The following SUGCT variants were observed in gnomAD, a reference collection of about 807,000 sequenced individuals.
SUGCT encodes succinyl-CoA:glutarate-CoA transferase, also known as succinyl-CoA:glutarate CoA-transferase.
Under a neutral mutation model 55.0 loss-of-function variants are expected in SUGCT, and 41 were observed. The ratio of observed to expected loss-of-function variants is 0.74; its 90% CI spans 0.58 to 0.97. The LOEUF (loss-of-function observed/expected upper bound fraction) is 0.97, where lower values mean the gene tolerates loss of function less well. Among genes scored for constraint, SUGCT ranks in the 50% least tolerant of loss-of-function variants. The probability of loss-of-function intolerance (pLI) is 0.00; values close to 1 mark genes in which losing one functional copy is unlikely to be tolerated. For synonymous variants in SUGCT, 187 were observed against 200.4 expected (o/e 0.93, Z 0.56); for missense variants, 568 against 547.8 (o/e 1.04, Z -0.37).
intron 9 of SUGCT, among the ~76,000 whole-genome samples, chr7:40,415,820 C>T (rs561251107): frequency 3.0e-4 from 46 of 152,124 alleles, no homozygotes; most frequent in Admixed American, 1.2e-3. Flanking sequence ...TACTACTGGA[C>T]GCTATTGCAA....
At chr7:41,022,615 G>A in the SUGCT span, among the ~76,000 whole-genome samples, 23 of 152,180 alleles carry the variant, frequency 1.5e-4, no homozygotes, top group African/African-American at 5.5e-4. Flanking sequence ...AATCCAGGTG[G>A]AACTAGAATG....
chr7:40,864,394 C>T (rs939143249), downstream of SUGCT, among the ~76,000 whole-genome samples: 5 of 152,074 alleles, frequency 3.3e-5, no homozygotes, highest in South Asian at 2.1e-4. Context: ...TCAATTGATC[C>T]GCCCACCTCA....
chr7:40,327,222 G>A (rs571288238), intron 9 of SUGCT, among the ~76,000 whole-genome samples: 1 of 151,946 alleles, frequency 6.6e-6, no homozygotes, highest in South Asian at 2.1e-4. Context: ...TGATCCTTAC[G>A]GATTTGGGAT....
At chr7:40,487,692 A>AATAC (rs1418180331) in intron 11 of SUGCT, among the ~76,000 whole-genome samples, 2 of 151,964 alleles carry the variant, frequency 1.3e-5, no homozygotes, top group East Asian at 3.9e-4. Context: ...AGGTGTTCTG[A>AATAC]TTTGGGTACA....
chr7:40,515,262 T>C (rs1793173512), intron 12 of SUGCT, among the ~76,000 whole-genome samples: 1 of 152,226 alleles, frequency 6.6e-6, no homozygotes, highest in South Asian at 2.1e-4. Context: ...ATTGTATCAA[T>C]TCAAGGATGT....
chr7:40,540,964 G>A (rs181591994), intron 12 of SUGCT, among the ~76,000 whole-genome samples: 3 of 152,264 alleles, frequency 2.0e-5, no homozygotes, highest in Admixed American at 6.5e-5. Context: ...CATTCCTTCC[G>A]TTATTTTTGT....
intron 8 of SUGCT, among the ~76,000 whole-genome samples, chr7:40,299,896 T>A (rs564441129): frequency 8.5e-4 from 129 of 152,290 alleles, no homozygotes; most frequent in Admixed American, 1.6e-3. Flanking sequence ...AATATTGGTA[T>A]AAGGTAAAAA....
At chr7:40,864,433 T>C (rs184399327), downstream of SUGCT, among the ~76,000 whole-genome samples, 101 of 152,232 alleles carry the variant, frequency 6.6e-4, no homozygotes, top group Non-Finnish European at 1.0e-3. Context: ...ATTACAGACA[T>C]GAGCCACCAT....
the SUGCT span, among the ~76,000 whole-genome samples, chr7:40,906,428 G>A: frequency 1.6e-4 from 25 of 152,236 alleles, no homozygotes; most frequent in Admixed American, 9.8e-4. Context: ...TAGGAACAAC[G>A]GTAGAAAAAT....
intron 13 of SUGCT, among the ~76,000 whole-genome samples, chr7:40,823,041 G>A (rs1208698268): frequency 6.6e-6 from 1 of 152,150 alleles, no homozygotes; most frequent in Non-Finnish European, 1.5e-5. Flanking sequence ...TGCCTTGATT[G>A]TGATGTCCCT....
chr7:40,220,821 G>A (rs943220379), intron 6 of SUGCT, among the ~76,000 whole-genome samples: 1 of 152,136 alleles, frequency 6.6e-6, no homozygotes, highest in African/African-American at 2.4e-5. Context: ...AACACAAAAT[G>A]TTTTGACATA....
chr7:40,920,756 A>G, the SUGCT span, among the ~76,000 whole-genome samples: 29 of 152,338 alleles, frequency 1.9e-4, no homozygotes, highest in Admixed American at 1.5e-3. Context: ...CTACCTTTAG[A>G]TATTATCAGA....
chr7:40,749,836 T>A (rs997465007), intron 13 of SUGCT, among the ~76,000 whole-genome samples: 4 of 151,870 alleles, frequency 2.6e-5, no homozygotes, highest in African/African-American at 9.7e-5. Flanking sequence ...AGAAATAGAG[T>A]GTCGTTCATA....
the SUGCT span, among the ~76,000 whole-genome samples, chr7:41,027,949 T>C: frequency 2.0e-5 from 3 of 152,206 alleles, no homozygotes; most frequent in Non-Finnish European, 4.4e-5. Context: ...TGCAAGCTGA[T>C]GAACCCATCC....
rs570269567 is a variant in SUGCT, at chr7:40,823,065, C to T, written c.1154-37251C>T. Among the ~76,000 whole-genome samples, 2 of 152,198 alleles carry T rather than the reference C, an allele frequency of 1.3e-5. 1 individual carries two copies. Among genetic ancestry groups the T allele is most frequent in the Admixed American group, 1.3e-4 (2 of 15,288 alleles). On this transcript the variant is annotated intron_variant, in intron 13 of 13. Transcript: ENST00000335693. ...TGTGATGTCCCTCATAACTCACTACCATAGCAGGCAAACCCTCAGGTATTC... is the reference window on the plus strand; with the variant it reads ...TGTGATGTCCCTCATAACTCACTACTATAGCAGGCAAACCCTCAGGTATTC...
At chr7:40,238,280 CA>C (rs1789140841) in intron 7 of SUGCT, among the ~76,000 whole-genome samples, 1 of 152,016 alleles carries the variant, frequency 6.6e-6, no homozygotes, top group Non-Finnish European at 1.5e-5. Flanking sequence ...TAGATTCTGA[CA>C]GTGAAATAAT....
the SUGCT span, among the ~76,000 whole-genome samples, chr7:41,031,040 C>A: frequency 2.6e-5 from 4 of 152,268 alleles, no homozygotes; most frequent in African/African-American, 9.6e-5. Context: ...CAGCACACAG[C>A]AACTTCCGTC....
intron 11 of SUGCT, 23 bp from the exon 12 acceptor site, chr7:40,496,261 T>C (rs1038150019): frequency 5.1e-6 from 8 of 1,556,284 alleles, no homozygotes; most frequent in Non-Finnish European, 7.1e-6. Flanking sequence ...GTGTAAAAAA[T>C]TTATCCTTGT....
At chr7:40,312,213 G>C (rs1301926975) in intron 8 of SUGCT, among the ~76,000 whole-genome samples, 1 of 152,032 alleles carries the variant, frequency 6.6e-6, no homozygotes, top group East Asian at 1.9e-4. Context: ...CTAATTTTTT[G>C]TATGTTTAGT....
Sources: gnomAD v4.1 joint callset for allele counts (sites outside exome capture counted in the v4.1 genomes callset) on GRCh38, gnomAD v4.1.1 for gene constraint, MANE v1.5 for transcripts, NCBI Gene and HGNC (gene_info 2026-07-23, HGNC 2026-07-21) for gene names.